The following PKP4 variants were observed in gnomAD, a reference collection of about 807,000 sequenced individuals.
PKP4 encodes the protein plakophilin-4.
A neutral mutation model predicts 145.1 loss-of-function variants in PKP4; 90 were observed. The ratio of observed to expected loss-of-function variants is 0.62; its 90% CI spans 0.52 to 0.74. PKP4 has a LOEUF of 0.74. Among genes scored for constraint, PKP4 ranks in the 30% least tolerant of loss-of-function variants. The probability of loss-of-function intolerance (pLI) is 0.00; values close to 1 mark genes in which losing one functional copy is unlikely to be tolerated. For synonymous variants in PKP4, 563 were observed against 577.2 expected, an observed-to-expected ratio of 0.98 and a Z score of 0.35; for missense variants, 1,340 against 1,482.7, an observed-to-expected ratio of 0.90 and a Z score of 1.58.
At chr2:158,666,277 A>G in intron 15 of PKP4, 136 bp from the exon 16 acceptor site, 3 of 746,640 alleles carry the variant, frequency 4.0e-6, no homozygotes, top group Non-Finnish European at 2.0e-6. Context: ...CACTGACACC[A>G]CAGATTTGAT....
At chr2:158,678,072 A>G (rs368472645) in intron 20 of PKP4, among the ~76,000 whole-genome samples, 1 of 152,246 alleles carries the variant, frequency 6.6e-6, no homozygotes, top group Non-Finnish European at 1.5e-5. Context: ...TATGCCAGGT[A>G]CAAGACTGTG....
intron 1 of PKP4, among the ~76,000 whole-genome samples, chr2:158,527,347 C>G (rs1191612003): frequency 2.1e-5 from 3 of 140,742 alleles, no homozygotes; most frequent in South Asian, 2.5e-4. Context: ...CTACAACTAT[C>G]TGATCTTTGA....
chr2:158,652,503 A>G (rs2055468811), intron 11 of PKP4, among the ~76,000 whole-genome samples: 1 of 152,238 alleles, frequency 6.6e-6, no homozygotes. Context: ...GCATAGAGAA[A>G]GAAATGAAGA....
chr2:158,597,679 A>G (rs2049874387), intron 3 of PKP4, among the ~76,000 whole-genome samples: 1 of 152,228 alleles, frequency 6.6e-6, no homozygotes, highest in Non-Finnish European at 1.5e-5. Flanking sequence ...GGATAATTTG[A>G]GTTATCCCTT....
chr2:158,677,325 A>C (rs1467180977), intron 20 of PKP4: 4 of 232,546 alleles, frequency 1.7e-5, no homozygotes, highest in Non-Finnish European at 3.5e-5. Context: ...CATGGAGAAG[A>C]GTTTGAATAA....
chr2:158,660,381 C>T (rs919808289), intron 12 of PKP4: 1 of 152,616 alleles, frequency 6.6e-6, no homozygotes, highest in South Asian at 2.1e-4. Context: ...AAGATGAAGA[C>T]AAGACAGGAC....
intron 1 of PKP4, among the ~76,000 whole-genome samples, chr2:158,485,359 C>T (rs1238828126): frequency 1.3e-5 from 2 of 152,208 alleles, no homozygotes; most frequent in African/African-American, 4.8e-5. Flanking sequence ...TTAAGTCATT[C>T]AGAAGTACGT....
At chr2:158,641,587 C>T (rs1207927915) in intron 10 of PKP4, among the ~76,000 whole-genome samples, 1 of 152,130 alleles carries the variant, frequency 6.6e-6, no homozygotes, top group Non-Finnish European at 1.5e-5. Context: ...TTCAAGCCTT[C>T]TTCTGACCCA....
chr2:158,634,431 T>A, intron 9 of PKP4, 142 bp downstream of exon 9: 1 of 602,102 alleles, frequency 1.7e-6, no homozygotes, highest in Non-Finnish European at 2.9e-6. Flanking sequence ...TACTTCCAGT[T>A]GTATTCCAGC....
At chr2:158,631,232 G>T (rs922299629) in intron 7 of PKP4, among the ~76,000 whole-genome samples, 1 of 151,712 alleles carries the variant, frequency 6.6e-6, no homozygotes, top group South Asian at 2.1e-4. Context: ...GAACCACCGC[G>T]CCCGGCAGAG....
chr2:158,496,885 T>A (rs200905066), intron 1 of PKP4, among the ~76,000 whole-genome samples: 1 of 152,106 alleles, frequency 6.6e-6, no homozygotes, highest in East Asian at 1.9e-4. Context: ...TAACCTATTA[T>A]GAATTCTTCC....
At chr2:158,498,429 AT>A (rs1482634549) in intron 1 of PKP4, among the ~76,000 whole-genome samples, 1 of 152,214 alleles carries the variant, frequency 6.6e-6, no homozygotes, top group Non-Finnish European at 1.5e-5. Context: ...TTTGCTTCAG[AT>A]TTTTTGTTGT....
At chr2:158,653,672 C>T (rs965613926) in intron 11 of PKP4, among the ~76,000 whole-genome samples, 3 of 152,234 alleles carry the variant, frequency 2.0e-5, no homozygotes, top group African/African-American at 7.2e-5. Flanking sequence ...CCTCAAGCTT[C>T]CTCAACCAAA....
At chr2:158,470,459 A>G (rs1370189926) in intron 1 of PKP4, among the ~76,000 whole-genome samples, 1 of 152,148 alleles carries the variant, frequency 6.6e-6, no homozygotes. Context: ...GTTCAAATAG[A>G]TACTGTAATA....
chr2:158,466,328 CTATT>C (rs1219145969), intron 1 of PKP4, among the ~76,000 whole-genome samples: 1 of 152,102 alleles, frequency 6.6e-6, no homozygotes, highest in Admixed American at 6.5e-5. Flanking sequence ...AAGGAAAAAA[CTATT>C]TAGACTTTAA....
At chr2:158,502,001 G>A (rs544245610) in intron 1 of PKP4, among the ~76,000 whole-genome samples, 1 of 152,318 alleles carries the variant, frequency 6.6e-6, no homozygotes, top group East Asian at 1.9e-4. Context: ...TTTATAAAGT[G>A]TGTTTGATGA....
chr2:158,562,950 T>C (rs2046671388), intron 2 of PKP4, among the ~76,000 whole-genome samples: 1 of 152,146 alleles, frequency 6.6e-6, no homozygotes, highest in Non-Finnish European at 1.5e-5. Context: ...CCTTACTGAT[T>C]AGCAATTTAT....
intron 4 of PKP4, among the ~76,000 whole-genome samples, chr2:158,604,453 A>G (rs2050483752): frequency 6.6e-6 from 1 of 152,222 alleles, no homozygotes; most frequent in South Asian, 2.1e-4. Flanking sequence ...TCTCAGAAGA[A>G]ACAGCAGAGG....
At chr2:158,651,174 C>T (rs1320139075) in intron 11 of PKP4, among the ~76,000 whole-genome samples, 1 of 152,220 alleles carries the variant, frequency 6.6e-6, no homozygotes, top group Non-Finnish European at 1.5e-5. Context: ...CAGCCTTCAG[C>T]CCTGTTAGAA....
Sources: allele counts gnomAD v4.1 joint callset (sites outside exome capture counted in the v4.1 genomes callset), GRCh38; gene constraint gnomAD v4.1.1; transcripts MANE v1.5; gene names NCBI Gene and HGNC (gene_info 2026-07-23, HGNC 2026-07-21).